The following FARP2 variants were observed in gnomAD, a reference collection of about 807,000 sequenced individuals.
FARP2 encodes FERM, ARHGEF and pleckstrin domain-containing protein 2.
FARP2 carries 111 observed loss-of-function variants against 130.5 expected under a neutral mutation model. The observed-to-expected ratio is 0.85, with a 90% CI of 0.73 to 1.00. The LOEUF (loss-of-function observed/expected upper bound fraction) is 1.00, where lower values mean the gene tolerates loss of function less well. Ranked by LOEUF, FARP2 falls within the 50% of genes least tolerant of loss-of-function variation. The pLI, the probability that FARP2 is intolerant of heterozygous loss-of-function variation, is 0.00. For missense variants in FARP2, 1,385 were observed against 1,346.3 expected (o/e 1.03, Z -0.45); for synonymous variants, 504 against 516.9 (o/e 0.98, Z 0.34).
chr2:241,369,410 C>G (rs191147814), intron 1 of FARP2, among the ~76,000 whole-genome samples: 1 of 152,076 alleles, frequency 6.6e-6, no homozygotes, highest in African/African-American at 2.4e-5. Flanking sequence ...TCTCTGTGTT[C>G]CATCCCAGTG....
At chr2:241,493,256 C>A in intron 25 of FARP2, 37 bp from the exon 26 acceptor site, 1 of 1,605,988 alleles carries the variant, frequency 6.2e-7, no homozygotes, top group Non-Finnish European at 8.5e-7. Context: ...TGTGGCAACC[C>A]AGCCCCTGGA....
At chr2:241,398,000 T>G (rs1470378472) in intron 2 of FARP2, among the ~76,000 whole-genome samples, 1 of 151,806 alleles carries the variant, frequency 6.6e-6, no homozygotes, top group East Asian at 1.9e-4. Flanking sequence ...CGGCTAATTT[T>G]TTTTGCATTT....
intron 2 of FARP2, among the ~76,000 whole-genome samples, chr2:241,375,457 C>G (rs981340802): frequency 3.3e-5 from 5 of 151,462 alleles, no homozygotes; most frequent in Non-Finnish European, 5.9e-5. Context: ...AACTAGGACC[C>G]AGAAGAAAAA....
chr2:241,394,160 A>C (rs1335108168), intron 2 of FARP2, among the ~76,000 whole-genome samples: 1 of 152,216 alleles, frequency 6.6e-6, no homozygotes, highest in Non-Finnish European at 1.5e-5. Flanking sequence ...TCCACCTGAT[A>C]GTGAATTTCT....
intron 1 of FARP2, among the ~76,000 whole-genome samples, chr2:241,363,050 A>G (rs2061225433): frequency 6.6e-6 from 1 of 152,232 alleles, no homozygotes; most frequent in African/African-American, 2.4e-5. Context: ...GTAAACGGTA[A>G]CAGGCGGATG....
intron 1 of FARP2, among the ~76,000 whole-genome samples, chr2:241,356,975 C>T (rs1312261038): frequency 6.6e-6 from 1 of 152,224 alleles, no homozygotes; most frequent in African/African-American, 2.4e-5. Flanking sequence ...CAGTGGGTAG[C>T]CTTTGGGAAA....
chr2:241,456,664 G>C (rs962861130), intron 13 of FARP2, 83 bp from the exon 14 acceptor site: 4 of 1,402,040 alleles, frequency 2.9e-6, no homozygotes, highest in Non-Finnish European at 4.0e-6. Context: ...CGGTTGAATG[G>C]TCAGGAGAGT....
At chr2:241,415,474 G>T (rs1317003778) in intron 7 of FARP2, among the ~76,000 whole-genome samples, 2 of 152,188 alleles carry the variant, frequency 1.3e-5, no homozygotes, top group African/African-American at 2.4e-5. Context: ...ATTGGGCATT[G>T]TGCTGCGAAC....
chr2:241,356,572 G>C (rs897336760), intron 1 of FARP2, among the ~76,000 whole-genome samples, 184 bp downstream of exon 1: 3 of 152,196 alleles, frequency 2.0e-5, no homozygotes, highest in African/African-American at 7.2e-5. Flanking sequence ...AGGCGGGTCC[G>C]GGTTAGAGGA....
At chr2:241,357,715 TAAC>T (rs758958696) in intron 1 of FARP2, among the ~76,000 whole-genome samples, 1 of 152,174 alleles carries the variant, frequency 6.6e-6, no homozygotes, top group Admixed American at 6.5e-5. Context: ...GGTTCACTGT[TAAC>T]AAACTAAATG....
At chr2:241,473,401 T>G (rs1187650031) in intron 18 of FARP2, among the ~76,000 whole-genome samples, 1 of 151,694 alleles carries the variant, frequency 6.6e-6, no homozygotes, top group Admixed American at 6.6e-5. Flanking sequence ...GGGACCCTTT[T>G]CTGAGGGACC....
At chr2:241,492,353 C>T (rs2064950416) in intron 24 of FARP2, among the ~76,000 whole-genome samples, 1 of 152,190 alleles carries the variant, frequency 6.6e-6, no homozygotes, top group Non-Finnish European at 1.5e-5. Context: ...TATGGCCAGT[C>T]CAGGACACCT....
intron 12 of FARP2, among the ~76,000 whole-genome samples, chr2:241,440,190 T>G (rs1246537004): frequency 1.3e-5 from 2 of 152,210 alleles, no homozygotes; most frequent in African/African-American, 4.8e-5. Context: ...CACGTGCATG[T>G]GTATATTGCC....
intron 22 of FARP2, among the ~76,000 whole-genome samples, chr2:241,490,550 A>G (rs79341931): frequency 0.026 from 3,960 of 152,264 alleles, 404 homozygotes; most frequent in Admixed American, 0.18. Context: ...TCCTCCCCAG[A>G]TAAGATCAAC....
chr2:241,362,752 G>A (rs1408758267), intron 1 of FARP2, among the ~76,000 whole-genome samples: 1 of 152,292 alleles, frequency 6.6e-6, no homozygotes, highest in East Asian at 1.9e-4. Context: ...GACTTTTAAA[G>A]CTGGTAGTAC....
intron 2 of FARP2, among the ~76,000 whole-genome samples, chr2:241,384,089 A>G (rs2061728923): frequency 6.7e-6 from 1 of 150,218 alleles, no homozygotes; most frequent in Admixed American, 6.6e-5. Flanking sequence ...GACACTTGGC[A>G]TTCACCATGA....
intron 13 of FARP2, chr2:241,456,474 G>A (rs1315095950): frequency 3.0e-5 from 11 of 368,276 alleles, no homozygotes; most frequent in Non-Finnish European, 4.9e-6. Context: ...GAAACACAAG[G>A]TTGGTATCCA....
chr2:241,411,542 A>G (rs2062519028), intron 6 of FARP2, among the ~76,000 whole-genome samples: 4 of 152,248 alleles, frequency 2.6e-5, no homozygotes, highest in Admixed American at 6.5e-5. Flanking sequence ...AAGGAAAAAG[A>G]AGACATTTCT....
At position 241,459,618 on chromosome 2, in the gene FARP2, C is replaced by T. The variant is rs892011603; in HGVS notation, c.1587+2696C>T. On this transcript the variant is annotated intron_variant, in intron 14 of 26. Coordinates refer to ENST00000264042, the MANE Select transcript of FARP2 (RefSeq NM_014808.4). This position sits in a 1 kb window ranked among gnomAD's most constrained non-coding sequence, Gnocchi z 5.3. Reference sequence around the variant, plus strand: ...CACGCTCTGCATGGGCACATAGACCCTTCATGTGGGGACAGGTGGCGAAGC... The same window carrying T: ...CACGCTCTGCATGGGCACATAGACCTTTCATGTGGGGACAGGTGGCGAAGC... Among the ~76,000 whole-genome samples, 10 of 152,340 alleles carry T rather than the reference C, an allele frequency of 6.6e-5. No individual in the cohort carries two copies. In the East Asian group the frequency reaches 1.9e-3, roughly 29 times the overall value.
Sources: gnomAD v4.1 joint callset for allele counts (sites outside exome capture counted in the v4.1 genomes callset) on GRCh38, gnomAD v4.1.1 for gene constraint, Gnocchi (gnomAD v3.1) non-coding constraint, MANE v1.5 for transcripts, NCBI Gene and HGNC (gene_info 2026-07-23, HGNC 2026-07-21) for gene names.